Variants in RTTN observed in about 807,000 individuals in gnomAD.
The protein encoded by RTTN is rotatin.
A neutral mutation model predicts 269.2 loss-of-function variants in RTTN; 182 were observed. That is an observed-to-expected ratio of 0.68 (90% CI 0.60 to 0.76). The LOEUF is 0.76. RTTN is among the 30% of genes least tolerant of loss of function. The pLI, the probability that RTTN is intolerant of heterozygous loss-of-function variation, is 0.00. For synonymous variants in RTTN, 1,006 were observed against 963.5 expected (o/e 1.04, Z -0.82); for missense variants, 2,545 against 2,608.6 (o/e 0.98, Z 0.53).
intron 14 of RTTN, among the ~76,000 whole-genome samples, chr18:70,151,970 A>G (rs2060550441): frequency 6.6e-6 from 1 of 152,166 alleles, no homozygotes; most frequent in African/African-American, 2.4e-5. Context: ...TTCAATGCAC[A>G]TCAGCAGGAC....
intron 34 of RTTN, among the ~76,000 whole-genome samples, chr18:70,073,278 CA>C (rs2058344256): frequency 6.6e-6 from 1 of 151,712 alleles, no homozygotes; most frequent in South Asian, 2.1e-4. Flanking sequence ...AACTTTTCTG[CA>C]AAAAAAGCAA....
At chr18:70,060,840 T>C (rs1485439868) in intron 35 of RTTN, among the ~76,000 whole-genome samples, 3 of 152,038 alleles carry the variant, frequency 2.0e-5, no homozygotes, top group South Asian at 4.1e-4. Flanking sequence ...TTCCCAAATA[T>C]GAGTTGCAAT....
intron 11 of RTTN, among the ~76,000 whole-genome samples, chr18:70,172,336 G>A (rs1346067680): frequency 1.3e-5 from 2 of 152,004 alleles, no homozygotes; most frequent in African/African-American, 4.8e-5. Flanking sequence ...TACCTACTTG[G>A]TCAGTGGCAA....
Position 70,166,143 on chromosome 18 carries a change from C to T in RTTN, c.1848G>A (p.Gln616=). 1 of 1,613,672 alleles carries T rather than the reference C, an allele frequency of 6.2e-7. No homozygotes were observed. The highest frequency in any genetic ancestry group is 1.1e-5 in the South Asian group (1 of 91,056). The change falls in exon 14 of 49, where the codon CAG becomes CAA. Residue 616 remains glutamine (Q), a synonymous_variant. Coordinates refer to ENST00000640769, the MANE Select transcript of RTTN (RefSeq NM_173630.4). ...QASPLLQGES[Q]KVLLHMLSHP... ...GAGACAACATATGGAGAAGCACCTT[C>T]TGACTTTCTCCTTGTAGTAATGGAC...
In RTTN at chr18:70,149,020, T is replaced by G. The variant is rs764313680; in HGVS notation, c.2190A>C (p.Glu730Asp). Reference sequence around the variant, plus strand: ...GGAGAATGCAGTTACCCAGAGGATCTTCTGTGTCGGCATAGCCCTAATAGA... The same window carrying G: ...GGAGAATGCAGTTACCCAGAGGATCGTCTGTGTCGGCATAGCCCTAATAGA... ...IPILQGYADT[E>D]DPLGNCILLL... The change falls in exon 17 of 49, where the codon GAA (glutamate) becomes GAC (aspartate). Residue 730 changes from glutamate to aspartate, a missense_variant. Physicochemically the swap from Glu to Asp is conservative, Grantham distance 45. Coordinates refer to ENST00000640769, the MANE Select transcript of RTTN (RefSeq NM_173630.4). The G allele has an allele frequency of 2.5e-5, 41 of 1,613,178 alleles. No homozygotes were observed. In the Middle Eastern group the frequency reaches 9.9e-4, roughly 39 times the overall value.
chr18:70,146,862 G>A (rs541012200), intron 17 of RTTN, among the ~76,000 whole-genome samples: 2 of 152,256 alleles, frequency 1.3e-5, no homozygotes, highest in East Asian at 1.9e-4. Context: ...ATTGTTAACT[G>A]ATATCATCTC....
At chr18:70,113,654 CAATG>C (rs1330229648) in intron 27 of RTTN, among the ~76,000 whole-genome samples, 3 of 152,002 alleles carry the variant, frequency 2.0e-5, no homozygotes, top group African/African-American at 7.2e-5. Context: ...AAATGTCCAC[CAATG>C]AATGAATGGA....
At chr18:70,104,195 T>C (rs973920697) in intron 28 of RTTN, among the ~76,000 whole-genome samples, 2 of 152,230 alleles carry the variant, frequency 1.3e-5, no homozygotes, top group Admixed American at 6.5e-5. Context: ...TTCTTTTTAT[T>C]CTTTTTTCTC....
At chr18:70,038,720 A>C (rs2057250644) in intron 40 of RTTN, among the ~76,000 whole-genome samples, 1 of 152,228 alleles carries the variant, frequency 6.6e-6, no homozygotes, top group African/African-American at 2.4e-5. Context: ...GACCCCACCA[A>C]ATGAACTAAA....
chr18:70,060,187 T>C, intron 35 of RTTN, 145 bp from the exon 36 acceptor site: 1 of 738,736 alleles, frequency 1.4e-6, no homozygotes, highest in Non-Finnish European at 2.1e-6. Context: ...ATCTTAACCT[T>C]GAGGTTAGGG....
chr18:70,151,454 A>G (rs989604471), intron 14 of RTTN, among the ~76,000 whole-genome samples: 1 of 152,028 alleles, frequency 6.6e-6, no homozygotes, highest in Non-Finnish European at 1.5e-5. Flanking sequence ...TACAATATAG[A>G]AGGTAAAAAT....
chr18:70,164,814 C>T (rs1481983746), intron 14 of RTTN, among the ~76,000 whole-genome samples: 3 of 152,034 alleles, frequency 2.0e-5, no homozygotes, highest in Admixed American at 6.5e-5. Flanking sequence ...GTGTTCAAAG[C>T]GAAAAGTCCT....
At chr18:70,033,167 C>T (rs1453234386) in intron 40 of RTTN, among the ~76,000 whole-genome samples, 1 of 152,236 alleles carries the variant, frequency 6.6e-6, no homozygotes. Flanking sequence ...CTTCCTCCTG[C>T]TCCCACCATG....
chr18:70,169,053 T>C lies in RTTN; in HGVS notation c.1491A>G (p.Leu497=). The change falls in exon 12 of 49, where the codon TTA becomes TTG. Residue 497 remains leucine, a synonymous_variant. Coordinates refer to ENST00000640769, the MANE Select transcript of RTTN (RefSeq NM_173630.4). Reference sequence around the variant, plus strand: ...ATAATGCTGTTGACATAGGCTCTGATAAAAACTCGCTTGCCTTGGTGAATT... The same window carrying C: ...ATAATGCTGTTGACATAGGCTCTGACAAAAACTCGCTTGCCTTGGTGAATT... The part of the protein sequence containing the change: ...LLPVEKASEF[L]SEPMSTALFL... 6.3e-7 allele frequency: 1 copy of C among 1,594,036 alleles called. No homozygotes were observed. Among genetic ancestry groups the C allele is most frequent in the Non-Finnish European group, 8.5e-7 (1 of 1,174,894 alleles).
intron 23 of RTTN, chr18:70,130,494 TG>T (rs1208552551): frequency 6.6e-6 from 1 of 151,642 alleles, no homozygotes; most frequent in South Asian, 2.1e-4. Flanking sequence ...TGGATGGAAC[TG>T]GAAGTCATTA....
intron 14 of RTTN, among the ~76,000 whole-genome samples, chr18:70,157,916 T>TA (rs57623242): frequency 6.7e-6 from 1 of 149,866 alleles, no homozygotes; most frequent in African/African-American, 2.5e-5. Context: ...AAAAAAGAAT[T>TA]AAAAAAAAAA....
intron 17 of RTTN, among the ~76,000 whole-genome samples, chr18:70,147,718 T>C (rs2145773065): frequency 6.6e-6 from 1 of 152,282 alleles, no homozygotes; most frequent in East Asian, 1.9e-4. Flanking sequence ...AGACTTATCT[T>C]ACCCAAAGAA....
At chr18:70,056,887 A>G (rs965647055) in intron 37 of RTTN, among the ~76,000 whole-genome samples, 5 of 152,160 alleles carry the variant, frequency 3.3e-5, no homozygotes, top group Admixed American at 6.5e-5. Context: ...TATTCTCCCA[A>G]CTTGAGGGAA....
chr18:70,024,688 T>G (rs765650474), intron 44 of RTTN, 34 bp downstream of exon 44: 1 of 1,558,834 alleles, frequency 6.4e-7, no homozygotes. Context: ...AGTATTTTGG[T>G]ATATTATTGA....
Sources: allele counts gnomAD v4.1 joint callset (sites outside exome capture counted in the v4.1 genomes callset), GRCh38; gene constraint gnomAD v4.1.1; transcripts MANE v1.5; gene names NCBI Gene and HGNC (gene_info 2026-07-23, HGNC 2026-07-21).